TOM1: variants seen among roughly 807,000 people sequenced by gnomAD.
The protein encoded by TOM1 is target of Myb protein 1.
A neutral mutation model predicts 61.3 loss-of-function variants in TOM1; 38 were observed. The observed-to-expected ratio is 0.62, with a 90% confidence interval of 0.48 to 0.81. TOM1 has a LOEUF of 0.81. Among genes scored for constraint, TOM1 ranks in the 40% least tolerant of loss-of-function variants. TOM1 has a pLI of 0.00. For synonymous variants in TOM1, 270 were observed against 268.8 expected (o/e 1.00, Z -0.04); for missense variants, 591 against 659.6 (o/e 0.90, Z 1.14).
rs564205079 is a variant in TOM1 at position 35,310,325 on chromosome 22, C to T, written c.53-7552C>T. Reference sequence around the variant, plus strand: ...ATCCCAGCACTTTGGGAGGCCAAGACGGGTGGATCACGAGGTCAAGAGATC... The same window carrying T: ...ATCCCAGCACTTTGGGAGGCCAAGATGGGTGGATCACGAGGTCAAGAGATC... On this transcript the variant is annotated intron_variant, in intron 1 of 14. Coordinates refer to ENST00000449058, the MANE Select transcript of TOM1 (RefSeq NM_005488.3). Among the ~76,000 whole-genome samples, 412 of 152,232 alleles carry T rather than the reference C, an allele frequency of 2.7e-3. 1 individual carries two copies. The highest frequency in any genetic ancestry group is 6.1e-3 in the Admixed American group (93 of 15,296).
At chr22:35,330,296 G>A in intron 7 of TOM1, 51 bp from the exon 8 acceptor site, 1 of 1,549,468 alleles carries the variant, frequency 6.5e-7, no homozygotes, top group Non-Finnish European at 8.7e-7. Context: ...AAAAGAGACG[G>A]CCTCACTCTG....
At chr22:35,334,225 A>G in intron 10 of TOM1, 103 bp from the exon 11 acceptor site, 2 of 1,480,552 alleles carry the variant, frequency 1.4e-6, no homozygotes, top group African/African-American at 1.4e-5. Context: ...CACACGTGCC[A>G]CTTCCCCAGC....
intron 12 of TOM1, chr22:35,344,887 C>T (rs1930374668): frequency 6.6e-6 from 1 of 152,372 alleles, no homozygotes; most frequent in African/African-American, 2.4e-5. Flanking sequence ...AGTACTGCTG[C>T]TAGCCTCACC....
chr22:35,314,726 A>G (rs1927136177), intron 1 of TOM1, among the ~76,000 whole-genome samples: 1 of 152,022 alleles, frequency 6.6e-6, no homozygotes, highest in South Asian at 2.1e-4. Flanking sequence ...GTGGTCAGGA[A>G]GGACACTTCT....
chr22:35,334,233 A>G lies in TOM1; in HGVS notation c.1028-95A>G, dbSNP rs547117053. ...CCCCACCCACACGTGCCACTTCCCCAGCACCAAGCCCTGGGTCTGGCAGCA... is the reference window on the plus strand; with the variant it reads ...CCCCACCCACACGTGCCACTTCCCCGGCACCAAGCCCTGGGTCTGGCAGCA... On this transcript the variant is annotated intron_variant, in intron 10 of 14. Transcript: ENST00000449058. 3.5e-5 allele frequency: 53 copies of G among 1,509,122 alleles called. No individual in the cohort carries two copies. The African/African-American group carries it at 4.5e-4, about 13-fold the overall frequency. 93.5% of individuals were successfully genotyped at this position (1,509,122 alleles called of 1,614,324 possible). A position where few individuals can be genotyped will look rare whatever the true frequency, so the allele number is the denominator to read the frequency against.
chr22:35,327,881 C>T (rs1289361496), intron 7 of TOM1, among the ~76,000 whole-genome samples: 3 of 152,110 alleles, frequency 2.0e-5, no homozygotes, highest in Non-Finnish European at 4.4e-5. Context: ...TTCCTGCTCC[C>T]GGGTGTCACA....
chr22:35,347,154 C>G lies in TOM1; in HGVS notation c.1424C>G (p.Pro475Arg), dbSNP rs1193945417. 1 of 1,613,472 alleles carries G rather than the reference C, an allele frequency of 6.2e-7. No individual in the cohort carries two copies. Among genetic ancestry groups the G allele is most frequent in the Admixed American group, 1.7e-5 (1 of 59,828 alleles). The part of the protein sequence containing the change: ...AEGPPGPPSG[P>R]APRKKTQEKD... ...GGGCCCCCGGGTCCCCCATCTGGCC[C>G]AGCGCCCCGGAAGAAGACCCAGGAG... Residue 475 changes from proline to arginine, a missense_variant, in exon 15 of 15, where the codon CCA becomes CGA. Transcript: ENST00000449058.
intron 2 of TOM1, among the ~76,000 whole-genome samples, chr22:35,319,628 A>C (rs1040184041): frequency 2.0e-5 from 3 of 152,180 alleles, no homozygotes; most frequent in Non-Finnish European, 4.4e-5. Flanking sequence ...TCAGTGGCGC[A>C]TGGCGGAACA....
chr22:35,337,661 G>A (rs138794), intron 11 of TOM1, among the ~76,000 whole-genome samples: 72,352 of 152,182 alleles, frequency 0.48, 19,767 homozygotes, highest in South Asian at 0.63. Flanking sequence ...AGCTGGTATT[G>A]CAAGAGTTAA....
intron 1 of TOM1, among the ~76,000 whole-genome samples, chr22:35,312,821 T>A (rs1166629628): frequency 6.6e-6 from 1 of 152,190 alleles, no homozygotes; most frequent in African/African-American, 2.4e-5. Flanking sequence ...CGCCAGCCCC[T>A]GGAGAGTTCA....
At chr22:35,319,292 C>A (rs886234138) in intron 2 of TOM1, among the ~76,000 whole-genome samples, 15 of 152,158 alleles carry the variant, frequency 9.9e-5, no homozygotes, top group African/African-American at 3.4e-4. Flanking sequence ...AGGTGCATTG[C>A]TATTTATTTG....
At chr22:35,299,612 G>A, upstream of TOM1, 1 of 390,926 alleles carries the variant, frequency 2.6e-6, no homozygotes, top group East Asian at 6.5e-5. Context: ...TCCCAAATGT[G>A]TAAAGGGTCC....
intron 6 of TOM1, among the ~76,000 whole-genome samples, chr22:35,324,862 G>A (rs576681236): frequency 1.3e-5 from 2 of 152,348 alleles, no homozygotes; most frequent in South Asian, 2.1e-4. Flanking sequence ...GAAGGTTTGA[G>A]GCTTAGTATG....
At chr22:35,302,771 A>G (rs145991196) in intron 1 of TOM1, among the ~76,000 whole-genome samples, 32 of 152,350 alleles carry the variant, frequency 2.1e-4, no homozygotes, top group African/African-American at 7.5e-4. Flanking sequence ...GTAAATTGAC[A>G]GCAAAACTGA....
chr22:35,317,906 G>A lies in TOM1; in HGVS notation c.82G>A (p.Glu28Lys), dbSNP rs373113007. Residue 28 changes from glutamate to lysine, a missense_variant, in exon 2 of 15, where the codon GAG becomes AAG. Coordinates refer to ENST00000449058, the MANE Select transcript of TOM1 (RefSeq NM_005488.3). ...AGCCACAGATGGCTCCCTGCAGAGC[G>A]AGGACTGGGCCCTCAACATGGAGAT... is the stretch of plus-strand genomic sequence containing the variant. Reference protein sequence around the residue: ...EKATDGSLQSEDWALNMEICD... With the variant: ...EKATDGSLQSKDWALNMEICD... 8.1e-5 allele frequency: 130 copies of A among 1,614,016 alleles called. No homozygotes were observed. The highest frequency in any genetic ancestry group is 1.0e-4 in the Non-Finnish European group (118 of 1,180,004).
intron 11 of TOM1, among the ~76,000 whole-genome samples, chr22:35,338,506 C>T (rs1295821852): frequency 6.6e-6 from 1 of 152,166 alleles, no homozygotes; most frequent in Non-Finnish European, 1.5e-5. Flanking sequence ...GCAACACCCT[C>T]CCTAACCTCT....
chr22:35,303,776 G>T (rs1285067921), intron 1 of TOM1, among the ~76,000 whole-genome samples: 2 of 152,228 alleles, frequency 1.3e-5, no homozygotes, highest in African/African-American at 4.8e-5. Context: ...GGGATTGCAG[G>T]TGTGAGCCAC....
At position 35,323,114 on chromosome 22, in the gene TOM1, G is replaced by A. The variant is rs771978857; in HGVS notation, c.303G>A (p.Arg101=). 2 of 1,614,150 alleles carry A rather than the reference G, an allele frequency of 1.2e-6. No individual in the cohort carries two copies. Among genetic ancestry groups the A allele is most frequent in the Admixed American group, 3.3e-5 (2 of 60,034 alleles). The change falls in exon 4 of 15, where the codon AGG becomes AGA. Residue 101 remains arginine (R), a synonymous_variant. Transcript: ENST00000449058. This position sits in a 1 kb window ranked among gnomAD's most constrained non-coding sequence, Gnocchi z 4.2. ...SQDFVESVLV[R]TILPKNNPPT... is the part of the protein sequence containing the mutation. ...ACTTCGTGGAGAGTGTGCTGGTGAG[G>A]ACCATCCTGCCCAAGAACAACCCAC...
intron 6 of TOM1, 126 bp downstream of exon 6, chr22:35,324,040 A>G: frequency 1.7e-6 from 2 of 1,201,362 alleles, no homozygotes; most frequent in Non-Finnish European, 1.1e-6. Context: ...CCCACAGGGT[A>G]TGTGTGGTTC....
Sources: allele counts gnomAD v4.1 joint callset (sites outside exome capture counted in the v4.1 genomes callset), GRCh38; gene constraint gnomAD v4.1.1; non-coding constraint Gnocchi (gnomAD v3.1); transcripts MANE v1.5; gene names NCBI Gene and HGNC (gene_info 2026-07-23, HGNC 2026-07-21).